Variants in TSPAN3 observed in about 807,000 individuals in gnomAD.
TSPAN3 encodes tetraspanin 3, also known as tetraspanin-3.
TSPAN3 carries 9 observed loss-of-function variants against 31.1 expected under a neutral mutation model. That is an observed-to-expected ratio of 0.29 (90% CI 0.17 to 0.50). The LOEUF (loss-of-function observed/expected upper bound fraction) is 0.50, where lower values mean the gene tolerates loss of function less well. Ranked by LOEUF, TSPAN3 falls within the 20% of genes least tolerant of loss-of-function variation. The pLI, the probability that TSPAN3 is intolerant of heterozygous loss-of-function variation, is 0.98. For missense variants in TSPAN3, 252 were observed against 313.5 expected (o/e 0.80, Z 1.48); for synonymous variants, 129 against 114.3 (o/e 1.13, Z -0.82).
At chr15:77,060,164 G>C (rs1429901809) in intron 1 of TSPAN3, among the ~76,000 whole-genome samples, 2 of 151,886 alleles carry the variant, frequency 1.3e-5, no homozygotes, top group Non-Finnish European at 2.9e-5. Context: ...AGCTCTATTT[G>C]GCAACATATA....
chr15:77,052,900 T>G lies in TSPAN3; in HGVS notation c.462A>C (p.Ser154=). The change falls in exon 5 of 7, where the codon TCA becomes TCC. Residue 154 remains serine (S), a synonymous_variant. Transcript: ENST00000267970. The part of the protein sequence containing the change: ...QLHCCGIHNY[S]DWENTDWFKE... ...TGAACCAATCTGTATTTTCCCAGTC[T>G]GAGTAGTTGTGAATTCCACAACAAT... The G allele has an allele frequency of 2.5e-6, 4 of 1,613,914 alleles. No homozygotes were observed. The highest frequency in any genetic ancestry group is 3.4e-6 in the Non-Finnish European group (4 of 1,179,884).
chr15:77,051,984 C>T (rs925488192), intron 6 of TSPAN3, among the ~76,000 whole-genome samples: 3 of 151,980 alleles, frequency 2.0e-5, no homozygotes, highest in Admixed American at 6.6e-5. Flanking sequence ...AACTAGCATA[C>T]AAAAAAACTG....
At chr15:77,054,524 T>C (rs1470252214) in intron 3 of TSPAN3, 1 of 261,054 alleles carries the variant, frequency 3.8e-6, no homozygotes, top group African/African-American at 2.2e-5. Context: ...GAGAAGATTG[T>C]GTGCAAAATG....
At chr15:77,066,444 C>T (rs757180151) in intron 1 of TSPAN3, among the ~76,000 whole-genome samples, 17 of 151,936 alleles carry the variant, frequency 1.1e-4, no homozygotes, top group East Asian at 9.6e-4. Flanking sequence ...TGGTGGCGCA[C>T]GCCTGTAGTC....
rs2076690223 is a variant in TSPAN3, at chr15:77,046,236, T to G, written c.*599A>C. ...TTATACTCCTCCTATAAAGCCAACT[T>G]TGATTAAAAACCACTAGTTTCAAAG... On this transcript the variant is annotated 3_prime_UTR_variant, in exon 7 of 7. Coordinates refer to ENST00000267970, the MANE Select transcript of TSPAN3 (RefSeq NM_005724.6). 2 of 396,142 alleles carry G rather than the reference T, an allele frequency of 5.0e-6. No individual in the cohort carries two copies. The highest frequency in any genetic ancestry group is 7.2e-5 in the East Asian group (2 of 27,900). 24.5% of individuals were successfully genotyped at this position (396,142 alleles called of 1,614,324 possible).
chr15:77,042,188 CAA>C lies in TSPAN3; in HGVS notation c.*4645_*4646del, dbSNP rs935419869. On this transcript the variant is annotated 3_prime_UTR_variant, in exon 7 of 7. Coordinates refer to ENST00000267970, the MANE Select transcript of TSPAN3 (RefSeq NM_005724.6). ...AGTCTGTTTCTGTGTATGTAGTCTG[CAA>C]AGACACATGCCATTGCTGAACTGCT... The C allele has an allele frequency of 5.9e-5, 9 of 152,218 alleles. No individual in the cohort carries two copies. Among genetic ancestry groups the C allele is most frequent in the Non-Finnish European group, 7.3e-5 (5 of 68,052 alleles). 9.4% of individuals were successfully genotyped at this position (152,218 alleles called of 1,614,324 possible).
At chr15:77,066,933 A>G (rs1263447332) in intron 1 of TSPAN3, among the ~76,000 whole-genome samples, 2 of 152,162 alleles carry the variant, frequency 1.3e-5, no homozygotes, top group East Asian at 3.9e-4. Flanking sequence ...GGCCTTCTGC[A>G]AAGTCCTGAG....
chr15:77,047,516 A>G (rs1440056360), intron 6 of TSPAN3, among the ~76,000 whole-genome samples: 1 of 152,164 alleles, frequency 6.6e-6, no homozygotes, highest in Non-Finnish European at 1.5e-5. Context: ...AAAAAAATGT[A>G]GTTGGAAGGT....
intron 1 of TSPAN3, chr15:77,064,917 T>C (rs2076822711): frequency 6.6e-6 from 1 of 152,238 alleles, no homozygotes; most frequent in Non-Finnish European, 1.5e-5. Context: ...GTGTAGGATG[T>C]GCTGGAAAAC....
In TSPAN3 at chr15:77,046,679, G is replaced by T. The variant is rs2152694778; in HGVS notation, c.*156C>A. On this transcript the variant is annotated 3_prime_UTR_variant, in exon 7 of 7. Coordinates refer to ENST00000267970, the MANE Select transcript of TSPAN3 (RefSeq NM_005724.6). ...GGAAAAAGAAAGTCGCAGGTAGTAGGTAAGTAGGTGGGCACATGAAAAGCC... is the reference window on the plus strand; with the variant it reads ...GGAAAAAGAAAGTCGCAGGTAGTAGTTAAGTAGGTGGGCACATGAAAAGCC... 1 of 579,294 alleles carries T rather than the reference G, an allele frequency of 1.7e-6. No individual in the cohort carries two copies. The highest frequency in any genetic ancestry group is 3.1e-6 in the Non-Finnish European group (1 of 327,152). The allele number at this position is 579,294 out of a possible 1,614,324, so 35.9% of individuals were successfully genotyped here. A position where few individuals can be genotyped will look rare whatever the true frequency, so the allele number is the denominator to read the frequency against.
At position 77,071,022 on chromosome 15, in the gene TSPAN3, C is replaced by G; in HGVS notation, c.-68G>C. On this transcript the variant is annotated 5_prime_UTR_variant, in exon 1 of 7. Transcript: ENST00000267970. ...GCGCTCACCGAGAGAGCGGCAATGG[C>G]GGCGGCGCCTCCTCGCTAGGAACTG... is the stretch of plus-strand genomic sequence containing the variant. 1 of 1,184,126 alleles carries G rather than the reference C, an allele frequency of 8.4e-7. No homozygotes were observed. Among genetic ancestry groups the G allele is most frequent in the Non-Finnish European group, 1.1e-6 (1 of 910,106 alleles). The allele number at this position is 1,184,126 out of a possible 1,614,324, so 73.4% of individuals were successfully genotyped here. A position where few individuals can be genotyped will look rare whatever the true frequency, so the allele number is the denominator to read the frequency against.
intron 3 of TSPAN3, 39 bp from the exon 4 acceptor site, chr15:77,054,318 A>G (rs1376970025): frequency 7.2e-7 from 1 of 1,395,660 alleles, no homozygotes; most frequent in African/African-American, 1.4e-5. Context: ...CAAAAATACT[A>G]GTAAAAGTAA....
intron 1 of TSPAN3, among the ~76,000 whole-genome samples, chr15:77,070,678 C>T (rs1452288067): frequency 6.6e-6 from 1 of 152,054 alleles, no homozygotes; most frequent in South Asian, 2.1e-4. Flanking sequence ...GAAGGCCTCC[C>T]CTCGCTGTCC....
At chr15:77,068,925 T>C (rs781640504) in intron 1 of TSPAN3, among the ~76,000 whole-genome samples, 2 of 152,240 alleles carry the variant, frequency 1.3e-5, no homozygotes, top group Non-Finnish European at 2.9e-5. Context: ...TTTGCTATTG[T>C]GAACGGTGCT....
intron 6 of TSPAN3, 28 bp from the exon 7 acceptor site, chr15:77,046,955 A>G (rs758699605): frequency 2.0e-6 from 3 of 1,534,752 alleles, no homozygotes; most frequent in Non-Finnish European, 2.7e-6. Context: ...CAATGGGGAA[A>G]AAAGGCTGAA....
intron 1 of TSPAN3, among the ~76,000 whole-genome samples, chr15:77,060,156 CTCTAT>C (rs1414164542): frequency 6.6e-6 from 1 of 152,104 alleles, no homozygotes; most frequent in East Asian, 1.9e-4. Flanking sequence ...CATAACAAAG[CTCTAT>C]TTGGCAACAT....
At chr15:77,057,250 C>A (rs2076774215) in intron 1 of TSPAN3, among the ~76,000 whole-genome samples, 1 of 152,178 alleles carries the variant, frequency 6.6e-6, no homozygotes, top group Admixed American at 6.5e-5. Flanking sequence ...ATTTGGTTAT[C>A]ACTTGGATAA....
At position 77,054,268 on chromosome 15, in the gene TSPAN3, C is replaced by T. The variant is rs755840827; in HGVS notation, c.342G>A (p.Glu114=). 1 of 1,612,494 alleles carries T rather than the reference C, an allele frequency of 6.2e-7. No individual in the cohort carries two copies. The highest frequency in any genetic ancestry group is 8.5e-7 in the Non-Finnish European group (1 of 1,178,778). ...ACACTTTCTGAATGCTGCGATCAACCTCATTTTCCACCTGAATCAGAACAA... is the reference window on the plus strand; with the variant it reads ...ACACTTTCTGAATGCTGCGATCAACTTCATTTTCCACCTGAATCAGAACAA... The part of the protein sequence containing the change: ...GYVYRAKVEN[E]VDRSIQKVYK... Residue 114 remains glutamate, a synonymous_variant, in exon 4 of 7, where the codon GAG becomes GAA. Transcript: ENST00000267970.
intron 1 of TSPAN3, chr15:77,068,376 A>G (rs927392596): frequency 5.3e-5 from 8 of 152,266 alleles, no homozygotes; most frequent in Non-Finnish European, 1.2e-4. Flanking sequence ...GAATAACAGT[A>G]CATATATTTA....
Sources: gnomAD v4.1 joint callset for allele counts (sites outside exome capture counted in the v4.1 genomes callset) on GRCh38, gnomAD v4.1.1 for gene constraint, MANE v1.5 for transcripts, NCBI Gene and HGNC (gene_info 2026-07-23, HGNC 2026-07-21) for gene names.